The following NUMA1 variants were observed in gnomAD, a reference collection of about 807,000 sequenced individuals.
The protein encoded by NUMA1 is nuclear mitotic apparatus protein 1.
In NUMA1, 62 loss-of-function variants were observed where a neutral mutation model predicts 237.1. The observed-to-expected ratio is 0.26, with a 90% CI of 0.21 to 0.32. The LOEUF (loss-of-function observed/expected upper bound fraction) is 0.32, where lower values mean the gene tolerates loss of function less well. NUMA1 is among the 10% of genes least tolerant of loss of function. NUMA1 has a pLI of 1.00. For missense variants in NUMA1, 2,533 were observed against 2,666.5 expected (o/e 0.95, Z 1.10); for synonymous variants, 1,028 against 1,066.1 (o/e 0.96, Z 0.70).
intron 2 of NUMA1, among the ~76,000 whole-genome samples, chr11:72,060,655 C>A (rs985297636): frequency 2.0e-5 from 3 of 151,924 alleles, no homozygotes; most frequent in Admixed American, 2.0e-4. Flanking sequence ...AAAAACAAAA[C>A]GCACACACAC....
At chr11:72,017,598 C>G in intron 13 of NUMA1, 89 bp downstream of exon 13, 1 of 1,512,866 alleles carries the variant, frequency 6.6e-7, no homozygotes, top group South Asian at 1.1e-5. Flanking sequence ...CAACTTAATA[C>G]CCAAAGGCCC....
chr11:72,005,109 A>C lies in NUMA1; in HGVS notation c.5829+124T>G, dbSNP rs547117794. The C allele has an allele frequency of 1.9e-4, 217 of 1,139,744 alleles. 1 individual carries two copies. Among genetic ancestry groups the C allele is most frequent in the Middle Eastern group, 3.0e-4 (1 of 3,312 alleles). 70.6% of individuals were successfully genotyped at this position (1,139,744 alleles called of 1,614,324 possible). A position where few individuals can be genotyped will look rare whatever the true frequency, so the allele number is the denominator to read the frequency against. On this transcript the variant is annotated intron_variant, in intron 23 of 26. Transcript: ENST00000393695. ...GTCTGTTCCACCTGGAAACATGAGA[A>C]GGTCACCCTCCCCCTCCTCGGCCAG...
At chr11:72,034,496 C>G (rs1940764990) in intron 3 of NUMA1, among the ~76,000 whole-genome samples, 1 of 151,954 alleles carries the variant, frequency 6.6e-6, no homozygotes. Flanking sequence ...ACCACGAGGT[C>G]AGGAGATCGA....
At chr11:72,055,606 C>A (rs1038219684) in intron 2 of NUMA1, among the ~76,000 whole-genome samples, 3 of 152,180 alleles carry the variant, frequency 2.0e-5, no homozygotes, top group Admixed American at 6.5e-5. Context: ...GCTAGTAACA[C>A]AGGTGTGTTC....
chr11:72,049,560 A>AATATATATATATATATATAT (rs1555034472), intron 2 of NUMA1: 12 of 41,010 alleles, frequency 2.9e-4, no homozygotes, highest in African/African-American at 1.0e-3. Context: ...AAATAATAAT[A>AATATATATATATATATATAT]ATATATATAT....
chr11:72,018,454 G>C lies in NUMA1; in HGVS notation c.802C>G (p.Gln268Glu). ...IDRLALLNEKQAASPLEPKEL... is the reference protein window; with the variant it reads ...IDRLALLNEKEAASPLEPKEL... ...TTGGGCTCCAGTGGGCTGGCCGCCT[G>C]CTTCTCATTCAGCAGGGCTAGGCGG... Residue 268 changes from glutamine to glutamate, a missense_variant, in exon 11 of 27, where the codon CAG becomes GAG. Physicochemically the swap from Gln to Glu is conservative, Grantham distance 29 (BLOSUM62 2). Coordinates refer to ENST00000393695, the MANE Select transcript of NUMA1 (RefSeq NM_006185.4). 6.2e-7 allele frequency: 1 copy of C among 1,614,186 alleles called. No individual in the cohort carries two copies. Among genetic ancestry groups the C allele is most frequent in the Non-Finnish European group, 8.5e-7 (1 of 1,180,038 alleles).
chr11:72,017,842 T>C lies in NUMA1; in HGVS notation c.979-15A>G. On this transcript the variant is annotated splice_polypyrimidine_tract_variant and intron_variant, in intron 12 of 26. Transcript: ENST00000393695. ...AACTCCCGCAGCTGAGACGGGCAAG[T>C]GAGAATCCCCATCACCCAGAGTCAA... is the stretch of plus-strand genomic sequence containing the variant. 6.5e-7 allele frequency: 1 copy of C among 1,539,714 alleles called. No homozygotes were observed.
intron 3 of NUMA1, among the ~76,000 whole-genome samples, chr11:72,033,238 G>A (rs2135624663): frequency 6.6e-6 from 1 of 152,238 alleles, no homozygotes; most frequent in South Asian, 2.1e-4. Context: ...ATGGCTAACT[G>A]CAACCTCAAA....
At position 72,003,452 on chromosome 11, in the gene NUMA1, G is replaced by C; in HGVS notation, c.*75C>G. On this transcript the variant is annotated 3_prime_UTR_variant, in exon 27 of 27. Transcript: ENST00000393695. The stretch of plus-strand genomic sequence containing the variant: ...CCTGGGAGCTGAGAGAAGGCACTGA[G>C]AGGGACAGTAGGCGGAGGACCAGGT... 1 of 1,443,148 alleles carries C rather than the reference G, an allele frequency of 6.9e-7. No individual in the cohort carries two copies. The highest frequency in any genetic ancestry group is 9.8e-7 in the Non-Finnish European group (1 of 1,023,434). 89.4% of individuals were successfully genotyped at this position (1,443,148 alleles called of 1,614,324 possible).
At chr11:72,010,473 G>T (rs1207992031) in intron 17 of NUMA1, among the ~76,000 whole-genome samples, 2 of 152,236 alleles carry the variant, frequency 1.3e-5, no homozygotes, top group Non-Finnish European at 2.9e-5. Context: ...ACCACATGTA[G>T]CTACTGAACA....
chr11:72,017,527 G>A (rs771154723), intron 13 of NUMA1, 160 bp downstream of exon 13: 1 of 836,420 alleles, frequency 1.2e-6, no homozygotes, highest in Non-Finnish European at 2.0e-6. Context: ...AAAAAAAGGT[G>A]TACTAGACTG....
intron 2 of NUMA1, among the ~76,000 whole-genome samples, chr11:72,042,883 T>A (rs965569362): frequency 6.6e-6 from 1 of 151,994 alleles, no homozygotes; most frequent in African/African-American, 2.4e-5. Context: ...TCCCAGCACT[T>A]TGGGTGGACC....
Position 72,019,590 on chromosome 11 carries a change from G to A in NUMA1, c.488C>T (p.Thr163Ile). Residue 163 changes from threonine to isoleucine, a missense_variant, in exon 9 of 27, where the codon ACA becomes ATA. Physicochemically the swap from Thr to Ile is moderately conservative, Grantham distance 89. This residue lies in a region of NUMA1 where 1,414 missense variants were observed against 1,508.1 expected (regional missense o/e 0.94). Coordinates refer to ENST00000393695, the MANE Select transcript of NUMA1 (RefSeq NM_006185.4). ...KAPVPSTCSSTFPEELSPPSH... is the reference protein window; with the variant it reads ...KAPVPSTCSSIFPEELSPPSH... ...AGGTGGGGAGAGCTCTTCAGGGAAT[G>A]TGCTAGAACAGGTAGAAGGCACAGG... 1.9e-6 allele frequency: 3 copies of A among 1,613,912 alleles called. No homozygotes were observed. The highest frequency in any genetic ancestry group is 2.5e-6 in the Non-Finnish European group (3 of 1,179,822).
intron 16 of NUMA1, among the ~76,000 whole-genome samples, chr11:72,011,057 A>T (rs148138036): frequency 2.0e-5 from 3 of 152,266 alleles, no homozygotes; most frequent in African/African-American, 7.2e-5. Context: ...CCTAACACAT[A>T]GATGTTGCCA....
Position 72,034,388 on chromosome 11 carries a change from T to C in NUMA1, c.42+1514A>G, listed in dbSNP as rs551987652. On this transcript the variant is annotated intron_variant, in intron 3 of 26. Coordinates refer to ENST00000393695, the MANE Select transcript of NUMA1 (RefSeq NM_006185.4). Reference sequence around the variant, plus strand: ...AGAGAAATTAGAACTTTATGAGGTATTTTAATTTAAAATCATCCCCATTAA... The same window carrying C: ...AGAGAAATTAGAACTTTATGAGGTACTTTAATTTAAAATCATCCCCATTAA... 7.9e-5 allele frequency among the ~76,000 whole-genome samples: 12 copies of C among 152,084 alleles called. 1 individual carries two copies. The highest frequency in any genetic ancestry group is 2.7e-4 in the African/African-American group (11 of 41,476).
At position 72,003,313 on chromosome 11, in the gene NUMA1, C is replaced by T. The variant is rs562816256; in HGVS notation, c.*214G>A. On this transcript the variant is annotated 3_prime_UTR_variant, in exon 27 of 27. Coordinates refer to ENST00000393695, the MANE Select transcript of NUMA1 (RefSeq NM_006185.4). ...AGGCAAGGTAGGGAGAGCGCCCACA[C>T]TGTCCATGCTCCAGGCCCCCTGGGC... 2 of 592,112 alleles carry T rather than the reference C, an allele frequency of 3.4e-6. No homozygotes were observed. The highest frequency in any genetic ancestry group is 2.1e-5 in the South Asian group (1 of 46,600). The allele number at this position is 592,112 out of a possible 1,614,324, so 36.7% of individuals were successfully genotyped here.
At chr11:72,076,366 A>G (rs1242292803) in intron 1 of NUMA1, among the ~76,000 whole-genome samples, 1 of 152,086 alleles carries the variant, frequency 6.6e-6, no homozygotes. Context: ...AAAGCCAGAC[A>G]GATCCTATCT....
At chr11:72,017,368 C>T (rs1937986822) in intron 13 of NUMA1, 1 of 400,128 alleles carries the variant, frequency 2.5e-6, no homozygotes, top group Non-Finnish European at 4.7e-6. Context: ...GGCAGCTACT[C>T]GTTACTACTC....
Position 72,003,123 on chromosome 11 carries a change from C to A in NUMA1, c.*404G>T. On this transcript the variant is annotated 3_prime_UTR_variant, in exon 27 of 27. Coordinates refer to ENST00000393695, the MANE Select transcript of NUMA1 (RefSeq NM_006185.4). Reference sequence around the variant, plus strand: ...TGGACTTCAAGAGTGAGGGCCCCTGCTGGGCCCAGCCACCAGGACAGCAGG... The same window carrying A: ...TGGACTTCAAGAGTGAGGGCCCCTGATGGGCCCAGCCACCAGGACAGCAGG... 1 of 272,804 alleles carries A rather than the reference C, an allele frequency of 3.7e-6. No homozygotes were observed. Among genetic ancestry groups the A allele is most frequent in the Non-Finnish European group, 7.0e-6 (1 of 142,074 alleles). 16.9% of individuals were successfully genotyped at this position (272,804 alleles called of 1,614,324 possible). A position where few individuals can be genotyped will look rare whatever the true frequency, so the allele number is the denominator to read the frequency against.
Sources: allele counts gnomAD v4.1 joint callset (sites outside exome capture counted in the v4.1 genomes callset), GRCh38; gene constraint gnomAD v4.1.1; regional missense constraint gnomAD v4.1.1; transcripts MANE v1.5; gene names NCBI Gene and HGNC (gene_info 2026-07-23, HGNC 2026-07-21).